The following GSG1L variants were observed in gnomAD, a reference collection of about 807,000 sequenced individuals.
GSG1L encodes the protein GSG1 like.
A neutral mutation model predicts 42.1 loss-of-function variants in GSG1L; 24 were observed. The ratio of observed to expected loss-of-function variants is 0.57; its 90% CI spans 0.41 to 0.80. The LOEUF (loss-of-function observed/expected upper bound fraction) is 0.80. Among genes scored for constraint, GSG1L ranks in the 30% least tolerant of loss-of-function variants. The pLI is 0.00. For synonymous variants in GSG1L, 215 were observed against 203.5 expected (o/e 1.06, Z -0.48); for missense variants, 445 against 472.2 (o/e 0.94, Z 0.53).
chr16:27,998,704 T>C (rs751652462), intron 1 of GSG1L, among the ~76,000 whole-genome samples: 8 of 152,128 alleles, frequency 5.3e-5, no homozygotes, highest in Non-Finnish European at 1.2e-4. Context: ...GGAGGATCAT[T>C]TGAGCCCAGT....
chr16:27,801,332 A>G (rs1292225597), intron 6 of GSG1L, among the ~76,000 whole-genome samples: 1 of 152,192 alleles, frequency 6.6e-6, no homozygotes, highest in Non-Finnish European at 1.5e-5. Flanking sequence ...CTGTATTTCT[A>G]GAAGAAGAAT....
intron 2 of GSG1L, among the ~76,000 whole-genome samples, chr16:27,954,637 C>T (rs1046071515): frequency 8.5e-5 from 13 of 152,052 alleles, no homozygotes; most frequent in African/African-American, 3.1e-4. Context: ...ATGGGTTCAT[C>T]AGATGAACTT....
In GSG1L at chr16:27,836,341, C is replaced by T. The variant is rs1044641129; in HGVS notation, c.663-7385G>A. 1.5e-4 allele frequency among the ~76,000 whole-genome samples: 22 copies of T among 148,024 alleles called. No homozygotes were observed. In the East Asian group the frequency reaches 4.4e-3, roughly 29 times the overall value. On this transcript the variant is annotated intron_variant, in intron 4 of 6. Transcript: ENST00000447459. Reference sequence around the variant, plus strand: ...CTGTGATGTGTCTTGGTATGGATTTCTTTGAATTTATACTATTTTAGAGAT... The same window carrying T: ...CTGTGATGTGTCTTGGTATGGATTTTTTTGAATTTATACTATTTTAGAGAT...
At chr16:28,061,617 C>T (rs2086342743) in intron 1 of GSG1L, among the ~76,000 whole-genome samples, 3 of 152,152 alleles carry the variant, frequency 2.0e-5, no homozygotes, top group African/African-American at 7.2e-5. Context: ...TGAACAAGAC[C>T]AACCGGGCTG....
intron 1 of GSG1L, among the ~76,000 whole-genome samples, chr16:27,989,152 G>T (rs1376279462): frequency 6.6e-6 from 1 of 151,820 alleles, no homozygotes; most frequent in Non-Finnish European, 1.5e-5. Flanking sequence ...TGGATTTTTT[G>T]GAAAACTCAG....
intron 6 of GSG1L, among the ~76,000 whole-genome samples, chr16:27,803,790 TATATAGATAG>T (rs57830252): frequency 0.01 from 1,141 of 109,878 alleles, 29 homozygotes; most frequent in African/African-American, 0.036. Flanking sequence ...TATATATATA[TATATAGATAG>T]ATAGATATAG....
chr16:28,019,995 T>C (rs550427407), intron 1 of GSG1L, among the ~76,000 whole-genome samples: 3 of 152,362 alleles, frequency 2.0e-5, no homozygotes, highest in Admixed American at 2.0e-4. Context: ...TTGTAGGCAC[T>C]AGAGTTTCAG....
rs2083722145 is a variant in GSG1L, at chr16:27,866,211, C to A, written c.550+18275G>T. Reference sequence around the variant, plus strand: ...CCCTTTCTGTAATTAATCTTGTCCACACCCCCTCTCCCGTTACATGAACTA... The same window carrying A: ...CCCTTTCTGTAATTAATCTTGTCCAAACCCCCTCTCCCGTTACATGAACTA... On this transcript the variant is annotated intron_variant, in intron 3 of 6. Transcript: ENST00000447459. 2.6e-5 allele frequency among the ~76,000 whole-genome samples: 4 copies of A among 152,290 alleles called. 1 individual carries two copies. Among genetic ancestry groups the A allele is most frequent in the African/African-American group, 9.6e-5 (4 of 41,556 alleles).
chr16:27,902,965 A>C (rs2084278907), intron 2 of GSG1L, among the ~76,000 whole-genome samples: 1 of 152,000 alleles, frequency 6.6e-6, no homozygotes, highest in Admixed American at 6.6e-5. Flanking sequence ...TTTCAGTATG[A>C]ACCACAGAGA....
intron 4 of GSG1L, among the ~76,000 whole-genome samples, chr16:27,829,381 A>C (rs1249574511): frequency 6.6e-6 from 1 of 152,072 alleles, no homozygotes; most frequent in African/African-American, 2.4e-5. Context: ...AAACTGTGGG[A>C]GGTTTGGGGA....
chr16:27,860,322 G>A (rs990442205), intron 3 of GSG1L, among the ~76,000 whole-genome samples: 3 of 152,212 alleles, frequency 2.0e-5, no homozygotes, highest in Non-Finnish European at 4.4e-5. Context: ...TGGTCGGGCA[G>A]GAAGAGGTGC....
chr16:27,883,952 A>G (rs1224949662), intron 3 of GSG1L, among the ~76,000 whole-genome samples: 3 of 152,174 alleles, frequency 2.0e-5, no homozygotes, highest in Admixed American at 6.5e-5. Context: ...TCCCTGCCCA[A>G]CACACTCTTG....
intron 6 of GSG1L, among the ~76,000 whole-genome samples, chr16:27,793,179 C>A (rs1259066213): frequency 6.6e-6 from 1 of 152,198 alleles, no homozygotes; most frequent in East Asian, 1.9e-4. Flanking sequence ...ATCCTCAAAG[C>A]AGCTCTCATT....
chr16:27,888,448 CTTTCTTTCTT>C (rs1396238777), intron 2 of GSG1L, among the ~76,000 whole-genome samples: 20 of 24,358 alleles, frequency 8.2e-4, no homozygotes, highest in Non-Finnish European at 1.3e-3. Context: ...TTCTTTCTTT[CTTTCTTTCTT>C]TCTTTCTCTC....
chr16:27,865,620 C>T (rs970864889), intron 3 of GSG1L, among the ~76,000 whole-genome samples: 1 of 139,150 alleles, frequency 7.2e-6, no homozygotes, highest in Admixed American at 7.2e-5. Flanking sequence ...CACACACACA[C>T]ATATATATGT....
At chr16:27,998,388 G>T (rs60965173) in intron 1 of GSG1L, 9,454 of 152,288 alleles carry the variant, frequency 0.062, 934 homozygotes, top group African/African-American at 0.21. Context: ...TGTGTGTGCT[G>T]CCAGAGCAAG....
chr16:27,896,169 G>A (rs1223929213), intron 2 of GSG1L, among the ~76,000 whole-genome samples: 3 of 152,258 alleles, frequency 2.0e-5, no homozygotes, highest in East Asian at 1.9e-4. Context: ...GGAGGCGTGC[G>A]GGAAATGAGA....
intron 1 of GSG1L, among the ~76,000 whole-genome samples, chr16:27,973,698 A>G (rs1030386223): frequency 8.5e-5 from 13 of 152,120 alleles, no homozygotes; most frequent in Admixed American, 4.6e-4. Context: ...TGCACGTGTA[A>G]CATCAATATG....
At chr16:28,049,534 A>C (rs538151524) in intron 1 of GSG1L, among the ~76,000 whole-genome samples, 3 of 151,908 alleles carry the variant, frequency 2.0e-5, no homozygotes, top group Non-Finnish European at 2.9e-5. Context: ...AAAAAAATTA[A>C]AAATTAGGTG....
Sources: allele counts gnomAD v4.1 joint callset (sites outside exome capture counted in the v4.1 genomes callset), GRCh38; gene constraint gnomAD v4.1.1; transcripts MANE v1.5; gene names NCBI Gene and HGNC (gene_info 2026-07-23, HGNC 2026-07-21).